The following DAAM2 variants were observed in gnomAD, a reference collection of about 807,000 sequenced individuals.
The protein encoded by DAAM2 is disheveled-associated activator of morphogenesis 2.
Under a neutral mutation model 120.7 loss-of-function variants are expected in DAAM2, and 39 were observed. The observed-to-expected ratio is 0.32, with a 90% confidence interval of 0.25 to 0.42. The LOEUF is 0.42. Among genes scored for constraint, DAAM2 ranks in the 10% least tolerant of loss-of-function variants. DAAM2 has a pLI of 1.00. For missense variants in DAAM2, 1,283 were observed against 1,401.7 expected, an observed-to-expected ratio of 0.92 and a Z score of 1.35; for synonymous variants, 488 against 524.9, an observed-to-expected ratio of 0.93 and a Z score of 0.96.
At chr6:39,837,667 A>G (rs1763159893) in intron 1 of DAAM2, among the ~76,000 whole-genome samples, 1 of 149,638 alleles carries the variant, frequency 6.7e-6, no homozygotes, top group Non-Finnish European at 1.5e-5. Context: ...CCATCTCAAA[A>G]AAAAAAAAAA....
At chr6:39,897,104 A>C in intron 20 of DAAM2, 71 bp from the exon 21 acceptor site, 2 of 1,519,176 alleles carry the variant, frequency 1.3e-6, no homozygotes, top group Non-Finnish European at 1.8e-6. Flanking sequence ...TTAACACTCC[A>C]TCCTCTGACC....
In DAAM2 at chr6:39,865,058, C is replaced by G. The variant is rs1217115548; in HGVS notation, c.412C>G (p.Arg138Gly). The G allele has an allele frequency of 2.5e-6, 4 of 1,570,780 alleles. 1 individual carries two copies. The South Asian group carries it at 3.4e-5, about 13-fold the overall frequency. The change falls in exon 5 of 25, where the codon CGG (arginine) becomes GGG (glycine). Residue 138 changes from arginine (R) to glycine (G), a missense_variant. Arg to Gly is a moderately radical substitution (Grantham distance 125). This residue lies in a region of DAAM2 where 197 missense variants were observed against 189.3 expected (regional missense o/e 1.04). Transcript: ENST00000274867. ...CGTGGAAGACCTGAAGACAGCCCTC[C>G]GGACACAGCCTATGAGGTAATTCAG... ...QVVEDLKTALRTQPMRFVTRF... is the reference protein window; with the variant it reads ...QVVEDLKTALGTQPMRFVTRF...
chr6:39,895,448 T>C (rs1046979002), intron 19 of DAAM2, among the ~76,000 whole-genome samples: 49 of 151,868 alleles, frequency 3.2e-4, no homozygotes, highest in African/African-American at 1.2e-3. Context: ...GTCACCCAGG[T>C]TGTTCTCGAA....
Position 39,902,258 on chromosome 6 carries a change from C to A in DAAM2, c.*221C>A. The A allele has an allele frequency of 4.4e-6, 2 of 449,688 alleles. No individual in the cohort carries two copies. The highest frequency in any genetic ancestry group is 7.8e-6 in the Non-Finnish European group (2 of 256,072). 27.9% of individuals were successfully genotyped at this position (449,688 alleles called of 1,614,324 possible). A position where few individuals can be genotyped will look rare whatever the true frequency, so the allele number is the denominator to read the frequency against. On this transcript the variant is annotated 3_prime_UTR_variant, in exon 25 of 25. Coordinates refer to ENST00000274867, the MANE Select transcript of DAAM2 (RefSeq NM_001201427.2). ...CACATGATTCCTTCTGTGCCCTGGC[C>A]CCAGGTATTATTCTGAGGCTGCCTT...
intron 21 of DAAM2, among the ~76,000 whole-genome samples, chr6:39,898,552 A>G (rs1401213763): frequency 6.6e-6 from 1 of 152,246 alleles, no homozygotes; most frequent in Non-Finnish European, 1.5e-5. Context: ...AGAGCTTATA[A>G]GCATTACCTG....
intron 1 of DAAM2, among the ~76,000 whole-genome samples, chr6:39,837,598 G>A (rs185968372): frequency 1.5e-4 from 22 of 148,914 alleles, no homozygotes; most frequent in African/African-American, 5.3e-4. Flanking sequence ...GGGAGGCAGA[G>A]GTTGTGGTGA....
chr6:39,819,474 A>T (rs2114119291), intron 1 of DAAM2: 1 of 152,332 alleles, frequency 6.6e-6, no homozygotes, highest in East Asian at 1.9e-4. Flanking sequence ...CCACAAAACT[A>T]AACACTTATG....
chr6:39,889,922 G>T (rs1765602185), intron 17 of DAAM2, among the ~76,000 whole-genome samples: 1 of 152,156 alleles, frequency 6.6e-6, no homozygotes, highest in Non-Finnish European at 1.5e-5. Context: ...GAGGTCAGGA[G>T]TTCAAGCCCA....
intron 1 of DAAM2, among the ~76,000 whole-genome samples, chr6:39,834,055 G>A (rs1032439335): frequency 3.9e-5 from 6 of 152,182 alleles, no homozygotes; most frequent in South Asian, 2.1e-4. Context: ...TGACCCCGTC[G>A]TATGCCTGAG....
chr6:39,871,365 C>T, intron 8 of DAAM2, 141 bp from the exon 9 acceptor site: 1 of 763,894 alleles, frequency 1.3e-6, no homozygotes, highest in East Asian at 2.8e-5. Flanking sequence ...CAAACAGCGG[C>T]TTCTTTCCCA....
At chr6:39,825,363 G>C (rs1003543281) in intron 1 of DAAM2, among the ~76,000 whole-genome samples, 17 of 141,018 alleles carry the variant, frequency 1.2e-4, no homozygotes, top group Admixed American at 1.1e-3. Flanking sequence ...CACTCCAGCT[G>C]GGTGACAGAG....
chr6:39,829,374 C>T lies in DAAM2; in HGVS notation c.-56-26873C>T, dbSNP rs371295788. ...TATCCTCAGTGGTGTGTGATTCTTG[C>T]GGCTTTTCCCAGGGTGTACCAAAGG... On this transcript the variant is annotated intron_variant, in intron 1 of 24. Transcript: ENST00000274867. Among the ~76,000 whole-genome samples the T allele has an allele frequency of 8.3e-4, 127 of 152,268 alleles. 5 individuals are homozygous for T. The South Asian group carries it at 0.017, about 20-fold the overall frequency.
intron 11 of DAAM2, 132 bp downstream of exon 11, chr6:39,875,600 C>T (rs1764839171): frequency 6.4e-6 from 7 of 1,096,280 alleles, no homozygotes; most frequent in Middle Eastern, 2.1e-4. Flanking sequence ...GCAGCATGGT[C>T]CAACAGAACT....
At chr6:39,830,501 G>A (rs1762840272) in intron 1 of DAAM2, among the ~76,000 whole-genome samples, 1 of 152,182 alleles carries the variant, frequency 6.6e-6, no homozygotes, top group East Asian at 1.9e-4. Context: ...TTCATCGTGA[G>A]TGGGGACAAG....
At position 39,808,893 on chromosome 6, in the gene DAAM2, A is replaced by C. The variant is rs116745735; in HGVS notation, c.-57+16428A>C. Among the ~76,000 whole-genome samples the C allele has an allele frequency of 4.9e-3, 750 of 152,318 alleles. 6 individuals carry two copies. Among genetic ancestry groups the C allele is most frequent in the African/African-American group, 0.017 (708 of 41,578 alleles). ...TACATCGTGTAATTCACCTTAATTA[A>C]AAGACAAAAATCATGAAATTGGGAC... is the stretch of plus-strand genomic sequence containing the variant. On this transcript the variant is annotated intron_variant, in intron 1 of 24. Transcript: ENST00000274867.
At chr6:39,862,397 G>C (rs955541537) in intron 3 of DAAM2, 3 of 151,782 alleles carry the variant, frequency 2.0e-5, no homozygotes, top group African/African-American at 7.3e-5. Flanking sequence ...AGGAAGGAAA[G>C]AAATTTCAGG....
chr6:39,897,827 T>C (rs1766206107), intron 21 of DAAM2, among the ~76,000 whole-genome samples: 1 of 152,210 alleles, frequency 6.6e-6, no homozygotes, highest in Admixed American at 6.5e-5. Flanking sequence ...GGAAAGTCCC[T>C]ACTGCAGATA....
At chr6:39,883,722 T>C in intron 14 of DAAM2, 1 of 433,680 alleles carries the variant, frequency 2.3e-6, no homozygotes, top group Non-Finnish European at 4.2e-6. Flanking sequence ...TTCTAGAACA[T>C]GTTTACATGT....
intron 1 of DAAM2, among the ~76,000 whole-genome samples, chr6:39,796,362 T>C (rs915436688): frequency 6.6e-6 from 1 of 152,166 alleles, no homozygotes; most frequent in Admixed American, 6.5e-5. Flanking sequence ...AGTGGTCAAC[T>C]TCTCTTGAGA....
Sources: allele counts gnomAD v4.1 joint callset (sites outside exome capture counted in the v4.1 genomes callset), GRCh38; gene constraint gnomAD v4.1.1; regional missense constraint gnomAD v4.1.1; transcripts MANE v1.5; gene names NCBI Gene and HGNC (gene_info 2026-07-23, HGNC 2026-07-21).